GORAB: variants seen among roughly 807,000 people sequenced by gnomAD.
GORAB encodes the protein golgin, RAB6 interacting.
GORAB carries 17 observed loss-of-function variants against 29.9 expected under a neutral mutation model. The observed-to-expected ratio is 0.57, with a 90% CI of 0.39 to 0.85. The LOEUF is 0.85. Among genes scored for constraint, GORAB ranks in the 40% least tolerant of loss-of-function variants. GORAB has a pLI of 0.00. For missense variants in GORAB, 442 were observed against 437.8 expected (o/e 1.01, Z -0.09); for synonymous variants, 183 against 157.2 (o/e 1.16, Z -1.23).
At position 170,550,996 on chromosome 1, in the gene GORAB, C is replaced by T. The variant is rs12750003; in HGVS notation, c.663-1019C>T. 7.3e-3 allele frequency among the ~76,000 whole-genome samples: 1,116 copies of T among 152,184 alleles called. 5 individuals are homozygous for T. The highest frequency in any genetic ancestry group is 0.011 in the Non-Finnish European group (775 of 68,006). ...AAGGTGACTTCTCTAGTAGAATTGC[C>T]CTATTTCACATAAGACTTCACATAA... On this transcript the variant is annotated intron_variant, in intron 4 of 4. Coordinates refer to ENST00000367763, the MANE Select transcript of GORAB (RefSeq NM_152281.3).
At chr1:170,540,608 C>T (rs1272930572) in intron 2 of GORAB, among the ~76,000 whole-genome samples, 1 of 152,156 alleles carries the variant, frequency 6.6e-6, no homozygotes, top group Admixed American at 6.6e-5. Context: ...TGAACAAGTG[C>T]ATACATTAAA....
chr1:170,542,465 A>G (rs774181842), intron 2 of GORAB, 26 bp from the exon 3 acceptor site: 28 of 1,477,578 alleles, frequency 1.9e-5, no homozygotes, highest in Admixed American at 1.3e-4. Context: ...TCATAAACTC[A>G]TTTTTATGCT....
In GORAB at chr1:170,544,791, T is replaced by C. The variant is rs1241808177; in HGVS notation, c.608T>C (p.Ile203Thr). ...QALDDMVSADIGILRNRIDQA... is the reference protein window; with the variant it reads ...QALDDMVSADTGILRNRIDQA... ...TTAGATGACATGGTGTCAGCTGACA[T>C]TGGAATTCTCAGGAACCGGATTGAT... Residue 203 changes from isoleucine (I) to threonine (T), a missense_variant, in exon 4 of 5, where the codon ATT becomes ACT. Ile to Thr is a moderately conservative substitution (Grantham distance 89). Transcript: ENST00000367763. 5.0e-6 allele frequency: 8 copies of C among 1,614,100 alleles called. No individual in the cohort carries two copies. Among genetic ancestry groups the C allele is most frequent in the Non-Finnish European group, 5.9e-6 (7 of 1,179,966 alleles).
chr1:170,544,266 T>C (rs941161662), intron 3 of GORAB, among the ~76,000 whole-genome samples: 20 of 152,160 alleles, frequency 1.3e-4, no homozygotes, highest in African/African-American at 4.6e-4. Flanking sequence ...CTCAGATATA[T>C]AAAGAGGTGT....
chr1:170,534,603 G>C (rs1454956509), intron 1 of GORAB, among the ~76,000 whole-genome samples: 2 of 152,042 alleles, frequency 1.3e-5, no homozygotes, highest in Non-Finnish European at 2.9e-5. Context: ...ATAATACCCT[G>C]TTTTTACTAT....
rs1196357681 is a variant in GORAB at position 170,552,064 on chromosome 1, A to G, written c.712A>G (p.Ile238Val). Reference sequence around the variant, plus strand: ...AGAGTACATTGCAGCAAAGCTAGATATACAGCGCAAGACTGAGATAAAAGA... The same window carrying G: ...AGAGTACATTGCAGCAAAGCTAGATGTACAGCGCAAGACTGAGATAAAAGA... ...EAEYIAAKLD[I>V]QRKTEIKEQL... Residue 238 changes from isoleucine to valine, a missense_variant, in exon 5 of 5, where the codon ATA becomes GTA. Transcript: ENST00000367763. 8 of 1,613,988 alleles carry G rather than the reference A, an allele frequency of 5.0e-6. No homozygotes were observed. Among genetic ancestry groups the G allele is most frequent in the Non-Finnish European group, 6.8e-6 (8 of 1,179,970 alleles).
rs1409271300 is a variant in GORAB at position 170,552,062 on chromosome 1, A to T, written c.710A>T (p.Asp237Val). The T allele has an allele frequency of 3.7e-6, 6 of 1,614,076 alleles. 1 individual carries two copies. The highest frequency in any genetic ancestry group is 1.7e-4 in the Middle Eastern group (1 of 6,060). Residue 237 changes from aspartate (D) to valine (V), a missense_variant, in exon 5 of 5, where the codon GAT (aspartate) becomes GTT (valine). Physicochemically the swap from Asp to Val is radical, Grantham distance 152. Transcript: ENST00000367763. The stretch of plus-strand genomic sequence containing the variant: ...GCAGAGTACATTGCAGCAAAGCTAG[A>T]TATACAGCGCAAGACTGAGATAAAA... The part of the protein sequence containing the change: ...AEAEYIAAKL[D>V]IQRKTEIKEQ...
Position 170,552,472 on chromosome 1 carries a change from A to G in GORAB, c.*10A>G. Reference sequence around the variant, plus strand: ...TGCTTTGGCCACATGAAGTTCTGGTATTCTTTTGAGCTAATATGGTATTGA... The same window carrying G: ...TGCTTTGGCCACATGAAGTTCTGGTGTTCTTTTGAGCTAATATGGTATTGA... On this transcript the variant is annotated 3_prime_UTR_variant, in exon 5 of 5. Coordinates refer to ENST00000367763, the MANE Select transcript of GORAB (RefSeq NM_152281.3). 1 of 1,611,164 alleles carries G rather than the reference A, an allele frequency of 6.2e-7. No individual in the cohort carries two copies.
In GORAB at chr1:170,553,683, A is replaced by G. The variant is rs781411507; in HGVS notation, c.*1221A>G. 2 of 450,206 alleles carry G rather than the reference A, an allele frequency of 4.4e-6. No homozygotes were observed. Among genetic ancestry groups the G allele is most frequent in the Middle Eastern group, 1.4e-3 (2 of 1,414 alleles). The allele number at this position is 450,206 out of a possible 1,614,324, so 27.9% of individuals were successfully genotyped here. On this transcript the variant is annotated 3_prime_UTR_variant, in exon 5 of 5. Transcript: ENST00000367763. ...GAGCTTTATATTTTTATATTATGTAATTTGAGTTGAAAGTATAACATTTTA... is the reference window on the plus strand; with the variant it reads ...GAGCTTTATATTTTTATATTATGTAGTTTGAGTTGAAAGTATAACATTTTA...
intron 2 of GORAB, 67 bp downstream of exon 2, chr1:170,539,634 A>G (rs1649288962): frequency 6.0e-6 from 9 of 1,496,054 alleles, no homozygotes; most frequent in Non-Finnish European, 8.2e-6. Context: ...AATGGGCTTT[A>G]AGGAAATATA....
At chr1:170,532,459 A>T (rs1648751610) in intron 1 of GORAB, 175 bp downstream of exon 1, 2 of 684,976 alleles carry the variant, frequency 2.9e-6, no homozygotes, top group East Asian at 5.4e-5. Flanking sequence ...GGGAGTCACG[A>T]CGGGAGGGGC....
In GORAB at chr1:170,552,352, GT is replaced by G. The variant is rs1265577038; in HGVS notation, c.1003del (p.Ser335ProfsTer4). The G allele has an allele frequency of 6.2e-6, 10 of 1,614,120 alleles. No individual in the cohort carries two copies. Among genetic ancestry groups the G allele is most frequent in the Non-Finnish European group, 7.6e-6 (9 of 1,179,966 alleles). On this transcript the variant is annotated frameshift_variant, in exon 5 of 5. Coordinates refer to ENST00000367763, the MANE Select transcript of GORAB (RefSeq NM_152281.3). LOFTEE classifies it low-confidence loss of function (END_TRUNC). ...GAACAGAAAGTGTCAAGAACAAGCT[GT>G]TTCCCCAAAGGTAGATGACCAGTGT... Reference protein sequence around the residue: ...KENRKCQEQAVSPKVDDQCGN... With the variant: ...KENRKCQEQAXSPKVDDQCGN...
At position 170,553,245 on chromosome 1, in the gene GORAB, CA is replaced by C. The variant is rs1310767662; in HGVS notation, c.*790del. The C allele has an allele frequency of 2.3e-6, 1 of 442,046 alleles. No individual in the cohort carries two copies. Among genetic ancestry groups the C allele is most frequent in the South Asian group, 1.7e-5 (1 of 60,402 alleles). The allele number at this position is 442,046 out of a possible 1,614,324, so 27.4% of individuals were successfully genotyped here. A position where few individuals can be genotyped will look rare whatever the true frequency, so the allele number is the denominator to read the frequency against. ...AAATCTCATTGCTACTTGTGATTATCAAAAAAAGTATGTATTTTCTTTCTAA... is the reference window on the plus strand; with the variant it reads ...AAATCTCATTGCTACTTGTGATTATCAAAAAAGTATGTATTTTCTTTCTAA... On this transcript the variant is annotated 3_prime_UTR_variant, in exon 5 of 5. Transcript: ENST00000367763.
Position 170,532,188 on chromosome 1 carries a change from T to C in GORAB, c.-36T>C, listed in dbSNP as rs1382658829. ...AGTGTTGGCAGTCGCGGCTGCGAGA[T>C]TTGGGCACTTTTGGGGGTGCCGGTG... On this transcript the variant is annotated 5_prime_UTR_variant, in exon 1 of 5. Coordinates refer to ENST00000367763, the MANE Select transcript of GORAB (RefSeq NM_152281.3). 6.2e-7 allele frequency: 1 copy of C among 1,613,638 alleles called. No individual in the cohort carries two copies.
intron 4 of GORAB, chr1:170,545,051 G>C (rs928264353): frequency 2.3e-6 from 3 of 1,284,620 alleles, no homozygotes; most frequent in East Asian, 5.6e-5. Flanking sequence ...AACCTTGTTC[G>C]TGTGCCATTA....
chr1:170,550,123 G>C (rs1479009429), intron 4 of GORAB, among the ~76,000 whole-genome samples: 1 of 152,206 alleles, frequency 6.6e-6, no homozygotes, highest in African/African-American at 2.4e-5. Context: ...ACCCCTTCCA[G>C]AGGAACCTGG....
chr1:170,552,954 C>G lies in GORAB; in HGVS notation c.*492C>G, dbSNP rs1479275286. ...AGAAAAAAGTTGCAGGTTGAATTAT[C>G]TATCTGGATATTACTAGAGTTGTAA... On this transcript the variant is annotated 3_prime_UTR_variant, in exon 5 of 5. Transcript: ENST00000367763. The G allele has an allele frequency of 2.2e-6, 1 of 449,916 alleles. No homozygotes were observed. Among genetic ancestry groups the G allele is most frequent in the African/African-American group, 2.0e-5 (1 of 49,680 alleles). The allele number at this position is 449,916 out of a possible 1,614,324, so 27.9% of individuals were successfully genotyped here.
intron 4 of GORAB, among the ~76,000 whole-genome samples, chr1:170,550,763 A>G (rs989467266): frequency 6.6e-6 from 1 of 152,238 alleles, no homozygotes; most frequent in Non-Finnish European, 1.5e-5. Flanking sequence ...CATAACAGGT[A>G]AAGCAGCATG....
At position 170,552,852 on chromosome 1, in the gene GORAB, G is replaced by A; in HGVS notation, c.*390G>A. On this transcript the variant is annotated 3_prime_UTR_variant, in exon 5 of 5. Transcript: ENST00000367763. The stretch of plus-strand genomic sequence containing the variant: ...TTCTCCTGGGAGACGTATTAAGACT[G>A]GAAGTCCTATTTTATTTAATCAGTA... 2.2e-6 allele frequency: 1 copy of A among 453,382 alleles called. No individual in the cohort carries two copies. Among genetic ancestry groups the A allele is most frequent in the South Asian group, 1.6e-5 (1 of 63,894 alleles). 28.1% of individuals were successfully genotyped at this position (453,382 alleles called of 1,614,324 possible).
Sources: gnomAD v4.1 joint callset for allele counts (sites outside exome capture counted in the v4.1 genomes callset) on GRCh38, gnomAD v4.1.1 for gene constraint, MANE v1.5 for transcripts, NCBI Gene and HGNC (gene_info 2026-07-23, HGNC 2026-07-21) for gene names.